The following SCHIP1 variants were observed in gnomAD, a reference collection of about 807,000 sequenced individuals.
The protein encoded by SCHIP1 is schwannomin-interacting protein 1.
In SCHIP1, 8 loss-of-function variants were observed where a neutral mutation model predicts 29.7. The observed-to-expected ratio is 0.27, with a 90% CI of 0.16 to 0.49. SCHIP1 has a LOEUF of 0.49. Among genes scored for constraint, SCHIP1 ranks in the 20% least tolerant of loss-of-function variants. SCHIP1 has a pLI of 0.99. For synonymous variants in SCHIP1, 76 were observed against 94.9 expected, an observed-to-expected ratio of 0.80 and a Z score of 1.16; for missense variants, 193 against 294.6, an observed-to-expected ratio of 0.66 and a Z score of 2.52.
the SCHIP1 span, among the ~76,000 whole-genome samples, chr3:159,654,353 A>G: frequency 6.6e-6 from 1 of 152,016 alleles, no homozygotes; most frequent in African/African-American, 2.4e-5. Context: ...CTTTTTATTT[A>G]CCGTTTGACT....
the SCHIP1 span, among the ~76,000 whole-genome samples, chr3:159,513,764 G>A: frequency 5.3e-5 from 8 of 152,194 alleles, no homozygotes; most frequent in South Asian, 6.2e-4. Context: ...GGGTCAGTGG[G>A]ATGAGATTGC....
chr3:159,674,153 C>A, the SCHIP1 span, among the ~76,000 whole-genome samples: 1 of 152,228 alleles, frequency 6.6e-6, no homozygotes, highest in Non-Finnish European at 1.5e-5. Flanking sequence ...ATCCCACAAA[C>A]TTTCACTCTC....
the SCHIP1 span, among the ~76,000 whole-genome samples, chr3:159,767,863 G>A: frequency 6.6e-6 from 1 of 152,146 alleles, no homozygotes; most frequent in Admixed American, 6.5e-5. Flanking sequence ...ATCTTATTTA[G>A]TCCTCTATTT....
At chr3:159,763,302 G>A in the SCHIP1 span, among the ~76,000 whole-genome samples, 1 of 151,970 alleles carries the variant, frequency 6.6e-6, no homozygotes, top group Non-Finnish European at 1.5e-5. Flanking sequence ...TGTGTGAGGG[G>A]AGGGAGGTCC....
chr3:159,717,907 G>C, the SCHIP1 span, among the ~76,000 whole-genome samples: 2 of 152,110 alleles, frequency 1.3e-5, no homozygotes, highest in African/African-American at 4.8e-5. Context: ...TGATACCAAA[G>C]CCTGGCAGAG....
chr3:159,739,750 C>T, the SCHIP1 span, among the ~76,000 whole-genome samples: 9 of 152,136 alleles, frequency 5.9e-5, no homozygotes, highest in Non-Finnish European at 8.8e-5. Flanking sequence ...TAAAAAGAGA[C>T]AAAATTACTT....
At chr3:159,490,181 C>T in the SCHIP1 span, among the ~76,000 whole-genome samples, 2 of 152,196 alleles carry the variant, frequency 1.3e-5, no homozygotes, top group African/African-American at 4.8e-5. Flanking sequence ...ATGATCAAGT[C>T]AGTGTATTTG....
At chr3:159,568,310 A>C in the SCHIP1 span, among the ~76,000 whole-genome samples, 2 of 152,038 alleles carry the variant, frequency 1.3e-5, no homozygotes, top group African/African-American at 4.8e-5. Flanking sequence ...TAATCCATTG[A>C]CTAGGCCCCT....
At chr3:159,668,840 T>C in the SCHIP1 span, among the ~76,000 whole-genome samples, 1 of 152,148 alleles carries the variant, frequency 6.6e-6, no homozygotes, top group Non-Finnish European at 1.5e-5. Context: ...CAAATAAAAG[T>C]GTTATGGTAC....
chr3:159,557,148 G>A, the SCHIP1 span, among the ~76,000 whole-genome samples: 5 of 151,630 alleles, frequency 3.3e-5, no homozygotes, highest in East Asian at 1.9e-4. Flanking sequence ...TAGTAGAGAC[G>A]AGGTTTCACC....
At chr3:159,519,874 T>C in the SCHIP1 span, among the ~76,000 whole-genome samples, 1 of 149,060 alleles carries the variant, frequency 6.7e-6, no homozygotes, top group Non-Finnish European at 1.5e-5. Context: ...AAAAAAAATA[T>C]ATATATATAT....
chr3:159,713,885 T>A, the SCHIP1 span, among the ~76,000 whole-genome samples: 1 of 152,242 alleles, frequency 6.6e-6, no homozygotes, highest in South Asian at 2.1e-4. Context: ...ATCGAGGTGT[T>A]TTACAAGCTT....
At chr3:159,839,421 TAAA>T (rs2109008977), upstream of SCHIP1, among the ~76,000 whole-genome samples, 1 of 152,132 alleles carries the variant, frequency 6.6e-6, no homozygotes, top group South Asian at 2.1e-4. Context: ...CTATTTGACT[TAAA>T]AAGAAGCTAG....
the SCHIP1 span, among the ~76,000 whole-genome samples, chr3:159,762,784 C>G: frequency 3.3e-5 from 5 of 152,184 alleles, no homozygotes; most frequent in Non-Finnish European, 4.4e-5. Flanking sequence ...GATTAGCTGC[C>G]AGACTCAGGC....
At chr3:159,590,962 C>T in the SCHIP1 span, among the ~76,000 whole-genome samples, 7 of 152,084 alleles carry the variant, frequency 4.6e-5, no homozygotes, top group African/African-American at 1.4e-4. Context: ...TTTATTCCAC[C>T]TCCCATTCTT....
the SCHIP1 span, chr3:159,765,482 A>C: frequency 3.9e-6 from 1 of 253,606 alleles, no homozygotes; most frequent in African/African-American, 2.3e-5. Context: ...TTCTGGCACC[A>C]AAAGTCAGTG....
the SCHIP1 span, among the ~76,000 whole-genome samples, chr3:159,410,155 C>A: frequency 6.6e-6 from 1 of 151,988 alleles, no homozygotes; most frequent in Non-Finnish European, 1.5e-5. Context: ...AATCTAAGAC[C>A]TCAAACTATG....
chr3:159,601,984 A>AG, the SCHIP1 span, among the ~76,000 whole-genome samples: 1 of 152,188 alleles, frequency 6.6e-6, no homozygotes, highest in Admixed American at 6.5e-5. Flanking sequence ...TAGGTCTCAT[A>AG]GGGGAGGGTG....
the SCHIP1 span, among the ~76,000 whole-genome samples, chr3:159,349,662 A>G: frequency 6.6e-6 from 1 of 152,124 alleles, no homozygotes; most frequent in Non-Finnish European, 1.5e-5. Context: ...GCTTCTATCA[A>G]ATACAGTTCT....
Sources: gnomAD v4.1 joint callset for allele counts (sites outside exome capture counted in the v4.1 genomes callset) on GRCh38, gnomAD v4.1.1 for gene constraint, MANE v1.5 for transcripts, NCBI Gene and HGNC (gene_info 2026-07-23, HGNC 2026-07-21) for gene names.